Variants in NKAIN2 observed in about 807,000 individuals in gnomAD.
NKAIN2 encodes sodium/potassium transporting ATPase interacting 2, also known as sodium/potassium-transporting ATPase subunit beta-1-interacting protein 2.
In NKAIN2, 14 loss-of-function variants were observed where a neutral mutation model predicts 32.6. The observed-to-expected ratio is 0.43, with a 90% CI of 0.28 to 0.67. The LOEUF is 0.67. Among genes scored for constraint, NKAIN2 ranks in the 30% least tolerant of loss-of-function variants. The pLI, the probability that NKAIN2 is intolerant of heterozygous loss-of-function variation, is 0.17. For synonymous variants in NKAIN2, 80 were observed against 87.2 expected (o/e 0.92, Z 0.46); for missense variants, 198 against 258.3 (o/e 0.77, Z 1.60).
chr6:124,276,713 C>A (rs1325205741), intron 1 of NKAIN2, among the ~76,000 whole-genome samples: 1 of 152,122 alleles, frequency 6.6e-6, no homozygotes, highest in Non-Finnish European at 1.5e-5. Context: ...AAGAGCACAG[C>A]AGCTCAACAA....
chr6:124,019,539 T>C (rs2114756086), intron 1 of NKAIN2, among the ~76,000 whole-genome samples: 1 of 152,310 alleles, frequency 6.6e-6, no homozygotes, highest in South Asian at 2.1e-4. Context: ...TTCTAAATCT[T>C]TATGAGTCTA....
chr6:124,009,064 T>G lies in NKAIN2; in HGVS notation c.54+204810T>G, dbSNP rs372007312. Among the ~76,000 whole-genome samples, 6 of 152,316 alleles carry G rather than the reference T, an allele frequency of 3.9e-5. No homozygotes were observed. The East Asian group carries it at 1.2e-3, about 29-fold the overall frequency. The stretch of plus-strand genomic sequence containing the variant: ...ATGAAATAGATCACTGGGCTCTATT[T>G]GATGTATAAATTAACACTGATCACC... On this transcript the variant is annotated intron_variant, in intron 1 of 6. Coordinates refer to ENST00000368417, the MANE Select transcript of NKAIN2 (RefSeq NM_001040214.3).
At position 124,402,899 on chromosome 6, in the gene NKAIN2, G is replaced by C. The variant is rs185844576; in HGVS notation, c.273+47552G>C. On this transcript the variant is annotated intron_variant, in intron 3 of 6. Coordinates refer to ENST00000368417, the MANE Select transcript of NKAIN2 (RefSeq NM_001040214.3). ...AAAATAATCTGTACACCAAATCCTT[G>C]TGACATGCAATTTACCTATATAACA... Among the ~76,000 whole-genome samples, 26 of 152,174 alleles carry C rather than the reference G, an allele frequency of 1.7e-4. 1 individual carries two copies. Among genetic ancestry groups the C allele is most frequent in the Admixed American group, 9.8e-4 (15 of 15,274 alleles).
intron 2 of NKAIN2, among the ~76,000 whole-genome samples, chr6:124,350,954 A>G (rs1354700725): frequency 1.3e-5 from 2 of 152,168 alleles, no homozygotes; most frequent in Non-Finnish European, 2.9e-5. Context: ...GCACCACTGC[A>G]CTCCAGCCTT....
chr6:124,622,235 T>C (rs962362239), intron 3 of NKAIN2, among the ~76,000 whole-genome samples: 14 of 152,168 alleles, frequency 9.2e-5, no homozygotes, highest in African/African-American at 3.1e-4. Context: ...GCTTTCTCTT[T>C]GTGTCTTCTC....
chr6:124,055,821 G>T (rs867366602), intron 1 of NKAIN2, among the ~76,000 whole-genome samples: 3 of 152,030 alleles, frequency 2.0e-5, no homozygotes. Flanking sequence ...GGAAATAAAT[G>T]CCAGAAAATG....
chr6:123,911,047 T>C (rs1456815421), intron 1 of NKAIN2, among the ~76,000 whole-genome samples: 1 of 152,118 alleles, frequency 6.6e-6, no homozygotes, highest in East Asian at 1.9e-4. Flanking sequence ...CCTGAAATGT[T>C]GATCAGACTT....
chr6:124,236,895 A>G (rs193193125), intron 1 of NKAIN2, among the ~76,000 whole-genome samples: 1 of 152,298 alleles, frequency 6.6e-6, no homozygotes, highest in East Asian at 1.9e-4. Context: ...CTTTTAAAAG[A>G]TTCCTCTGAT....
At chr6:124,076,523 T>C (rs1783705053) in intron 1 of NKAIN2, among the ~76,000 whole-genome samples, 1 of 152,190 alleles carries the variant, frequency 6.6e-6, no homozygotes, top group African/African-American at 2.4e-5. Context: ...CAAGAGCTGA[T>C]GAAGGAAAGT....
intron 3 of NKAIN2, among the ~76,000 whole-genome samples, chr6:124,362,318 A>G (rs1799324562): frequency 6.6e-6 from 1 of 152,154 alleles, no homozygotes; most frequent in African/African-American, 2.4e-5. Context: ...CCTATTATTA[A>G]TAATTAAATG....
intron 3 of NKAIN2, among the ~76,000 whole-genome samples, chr6:124,593,090 A>T (rs192841724): frequency 1.1e-4 from 16 of 152,224 alleles, no homozygotes; most frequent in African/African-American, 3.9e-4. Context: ...AACACTTGTA[A>T]ACCTTTAATA....
At chr6:124,201,403 T>C (rs1038697341) in intron 1 of NKAIN2, among the ~76,000 whole-genome samples, 5 of 152,138 alleles carry the variant, frequency 3.3e-5, no homozygotes, top group Admixed American at 3.3e-4. Context: ...AAAATTCAAG[T>C]CAGCACCAAT....
At chr6:124,215,148 A>G (rs144451979) in intron 1 of NKAIN2, among the ~76,000 whole-genome samples, 3 of 152,192 alleles carry the variant, frequency 2.0e-5, no homozygotes, top group Non-Finnish European at 4.4e-5. Context: ...TTTAATTGTG[A>G]AGAAAAGAGC....
At chr6:124,566,202 C>G (rs2114906221) in intron 3 of NKAIN2, among the ~76,000 whole-genome samples, 1 of 152,330 alleles carries the variant, frequency 6.6e-6, no homozygotes, top group South Asian at 2.1e-4. Flanking sequence ...GTGTTACTTT[C>G]CTCTAAAAGC....
intron 1 of NKAIN2, among the ~76,000 whole-genome samples, chr6:123,922,268 C>A (rs1051734221): frequency 6.6e-6 from 1 of 152,084 alleles, no homozygotes; most frequent in African/African-American, 2.4e-5. Context: ...TGCTATGTAG[C>A]CTCTAAGAAG....
intron 4 of NKAIN2, among the ~76,000 whole-genome samples, chr6:124,672,362 T>G (rs1224850442): frequency 2.6e-5 from 4 of 152,066 alleles, no homozygotes; most frequent in Non-Finnish European, 5.9e-5. Context: ...TCTTTCACCC[T>G]TCTAACATTA....
intron 1 of NKAIN2, among the ~76,000 whole-genome samples, chr6:124,098,768 G>A (rs1562356828): frequency 6.6e-6 from 1 of 151,998 alleles, no homozygotes; most frequent in South Asian, 2.1e-4. Flanking sequence ...TACACGGGAG[G>A]CTGAGGCAGG....
chr6:123,843,959 G>A (rs1266832445), intron 1 of NKAIN2, among the ~76,000 whole-genome samples: 2 of 152,120 alleles, frequency 1.3e-5, no homozygotes, highest in Non-Finnish European at 2.9e-5. Flanking sequence ...ACTCTTCCCT[G>A]GTTCATGAGA....
intron 1 of NKAIN2, among the ~76,000 whole-genome samples, chr6:124,264,440 C>T (rs182912366): frequency 3.2e-4 from 48 of 152,216 alleles, no homozygotes; most frequent in Admixed American, 7.2e-4. Flanking sequence ...TTTCTTTATA[C>T]AGTTCTAAAT....
Sources: gnomAD v4.1 joint callset for allele counts (sites outside exome capture counted in the v4.1 genomes callset) on GRCh38, gnomAD v4.1.1 for gene constraint, MANE v1.5 for transcripts, NCBI Gene and HGNC (gene_info 2026-07-23, HGNC 2026-07-21) for gene names.